The following FOXK2 variants were observed in gnomAD, a reference collection of about 807,000 sequenced individuals.
The protein encoded by FOXK2 is forkhead box K2, also known as forkhead box protein K2.
Under a neutral mutation model 53.3 loss-of-function variants are expected in FOXK2, and 24 were observed. The ratio of observed to expected loss-of-function variants is 0.45; its 90% CI spans 0.33 to 0.63. The LOEUF (loss-of-function observed/expected upper bound fraction) is 0.63, where lower values mean the gene tolerates loss of function less well. FOXK2 is among the 30% of genes least tolerant of loss of function. FOXK2 has a pLI of 0.03. For synonymous variants in FOXK2, 505 were observed against 407.1 expected, an observed-to-expected ratio of 1.24 and a Z score of -2.89; for missense variants, 952 against 910.5, an observed-to-expected ratio of 1.05 and a Z score of -0.59.
rs571138205 is a variant in FOXK2, at chr17:82,587,648, A to G, written c.1786+376A>G. 5 of 324,888 alleles carry G rather than the reference A, an allele frequency of 1.5e-5. No individual in the cohort carries two copies. The East Asian group carries it at 2.2e-4, about 15-fold the overall frequency. 20.1% of individuals were successfully genotyped at this position (324,888 alleles called of 1,614,324 possible). ...GCGGTGCTATGCTGCTGAGGGTGGGAGAGAGGCTGCTTTTCTGTGCGCTTT... is the reference window on the plus strand; with the variant it reads ...GCGGTGCTATGCTGCTGAGGGTGGGGGAGAGGCTGCTTTTCTGTGCGCTTT... On this transcript the variant is annotated intron_variant, in intron 8 of 8. Coordinates refer to ENST00000335255, the MANE Select transcript of FOXK2 (RefSeq NM_004514.4).
At chr17:82,576,887 C>T (rs544475010) in intron 4 of FOXK2, 13 of 471,042 alleles carry the variant, frequency 2.8e-5, no homozygotes, top group Non-Finnish European at 4.2e-5. Context: ...AGGCTGGGTG[C>T]GGTGGCTCAC....
intron 1 of FOXK2, among the ~76,000 whole-genome samples, chr17:82,539,851 A>C (rs142689411): frequency 0.18 from 27,085 of 151,590 alleles, 2,767 homozygotes; most frequent in Non-Finnish European, 0.24. Flanking sequence ...CTGTAATCCC[A>C]GCTACTCAAG....
chr17:82,543,796 A>G (rs564555167), intron 1 of FOXK2, among the ~76,000 whole-genome samples: 33 of 87,212 alleles, frequency 3.8e-4, no homozygotes, highest in Non-Finnish European at 6.3e-4. Flanking sequence ...TTTTTTTTTG[A>G]GACGGAGTCT....
intron 5 of FOXK2, 84 bp downstream of exon 5, chr17:82,583,018 TGAAG>T (rs924386722): frequency 2.3e-5 from 23 of 993,704 alleles, no homozygotes; most frequent in Non-Finnish European, 3.0e-5. Flanking sequence ...CTTTTGAAAA[TGAAG>T]GAACTACTAA....
chr17:82,587,040 C>T (rs374942897), intron 7 of FOXK2, 23 bp from the exon 8 acceptor site: 30 of 1,605,130 alleles, frequency 1.9e-5, no homozygotes, highest in African/African-American at 1.3e-4. Flanking sequence ...ATATTAATGT[C>T]GTTTCTTTTC....
chr17:82,553,231 C>T (rs564419213), intron 1 of FOXK2, among the ~76,000 whole-genome samples: 3 of 152,208 alleles, frequency 2.0e-5, no homozygotes, highest in Non-Finnish European at 2.9e-5. Context: ...CCACCGTGCC[C>T]AGCCAGACTT....
chr17:82,563,448 G>A lies in FOXK2; in HGVS notation c.514G>A (p.Val172Met). 2 of 1,614,174 alleles carry A rather than the reference G, an allele frequency of 1.2e-6. No homozygotes were observed. Among genetic ancestry groups the A allele is most frequent in the Admixed American group, 1.7e-5 (1 of 60,018 alleles). Reference sequence around the variant, plus strand: ...GAAGCAGGAGGCGTCTGAGTCTCCAGTGAAGGCCGTACAGCCACACATCTC... The same window carrying A: ...GAAGCAGGAGGCGTCTGAGTCTCCAATGAAGGCCGTACAGCCACACATCTC... The part of the protein sequence containing the change: ...REKQEASESP[V>M]KAVQPHISPL... The change falls in exon 2 of 9, where the codon GTG (valine) becomes ATG (methionine). Residue 172 changes from valine (V) to methionine (M), a missense_variant. Coordinates refer to ENST00000335255, the MANE Select transcript of FOXK2 (RefSeq NM_004514.4).
At chr17:82,523,502 C>G in intron 1 of FOXK2, among the ~76,000 whole-genome samples, 1 of 144,072 alleles carries the variant, frequency 6.9e-6, no homozygotes, top group East Asian at 2.0e-4. Context: ...CAGAGTTTTT[C>G]GCTCTTGTTG....
At chr17:82,576,786 G>A in intron 4 of FOXK2, 2 of 610,194 alleles carry the variant, frequency 3.3e-6, no homozygotes, top group East Asian at 2.9e-5. Flanking sequence ...TTATGGTGCT[G>A]TAATGTGGTG....
At chr17:82,561,262 G>A (rs757280198) in intron 1 of FOXK2, among the ~76,000 whole-genome samples, 2 of 152,114 alleles carry the variant, frequency 1.3e-5, no homozygotes, top group Non-Finnish European at 2.9e-5. Flanking sequence ...GGAGAGGAGC[G>A]TGGGCTGGGA....
At chr17:82,596,705 C>T (rs2045317138) in intron 8 of FOXK2, among the ~76,000 whole-genome samples, 2 of 152,202 alleles carry the variant, frequency 1.3e-5, no homozygotes, top group African/African-American at 4.8e-5. Context: ...ATTCCTACAC[C>T]AAGCCTGCTG....
chr17:82,586,055 C>T lies in FOXK2; in HGVS notation c.1431C>T (p.Ile477=). 1.2e-6 allele frequency: 2 copies of T among 1,612,840 alleles called. No homozygotes were observed. The highest frequency in any genetic ancestry group is 1.7e-6 in the Non-Finnish European group (2 of 1,179,994). The change falls in exon 7 of 9, where the codon ATC becomes ATT. Residue 477 remains isoleucine (I), a synonymous_variant. Transcript: ENST00000335255. The part of the protein sequence containing the change: ...VVQTVHVVHQ[I]PAVSVTSVAG... ...AGACGGTTCACGTCGTCCACCAGAT[C>T]CCAGCGGTGTCGGTCACCAGTGTGG... is the stretch of plus-strand genomic sequence containing the variant.
intron 4 of FOXK2, among the ~76,000 whole-genome samples, chr17:82,573,045 T>C (rs770318823): frequency 1.3e-5 from 2 of 151,946 alleles, no homozygotes; most frequent in Non-Finnish European, 2.9e-5. Flanking sequence ...AAAAAAAAAT[T>C]AGCTGAGTGT....
chr17:82,524,980 C>CTT (rs371491887), intron 1 of FOXK2, among the ~76,000 whole-genome samples: 22,530 of 138,118 alleles, frequency 0.16, 2,289 homozygotes, highest in East Asian at 0.38. Flanking sequence ...GACAAGGTGG[C>CTT]TTTTTTTTTT....
intron 4 of FOXK2, among the ~76,000 whole-genome samples, chr17:82,581,638 G>A (rs567118059): frequency 4.0e-4 from 61 of 152,134 alleles, no homozygotes; most frequent in Admixed American, 1.3e-3. Flanking sequence ...ACTACGCCCC[G>A]CTAATTTTTC....
At chr17:82,577,449 G>C in intron 4 of FOXK2, 1 of 366,604 alleles carries the variant, frequency 2.7e-6, no homozygotes, top group Non-Finnish European at 5.1e-6. Context: ...CATGCAGGGC[G>C]TGGCGGGCGG....
At chr17:82,591,637 G>A (rs919623526) in intron 8 of FOXK2, among the ~76,000 whole-genome samples, 2 of 152,202 alleles carry the variant, frequency 1.3e-5, no homozygotes, top group Admixed American at 1.3e-4. Context: ...TTCTGGAAAC[G>A]CTCCCAAGTC....
intron 4 of FOXK2, among the ~76,000 whole-genome samples, chr17:82,582,313 T>A (rs1180893711): frequency 6.6e-6 from 1 of 152,166 alleles, no homozygotes; most frequent in Non-Finnish European, 1.5e-5. Context: ...TCCCTCCTGT[T>A]GCCAGCTCTC....
intron 1 of FOXK2, among the ~76,000 whole-genome samples, chr17:82,521,833 A>G (rs955356943): frequency 6.6e-6 from 1 of 150,960 alleles, no homozygotes; most frequent in Non-Finnish European, 1.5e-5. Flanking sequence ...CCAGCTACTC[A>G]GGAGGCTGAG....
Sources: allele counts gnomAD v4.1 joint callset (sites outside exome capture counted in the v4.1 genomes callset), GRCh38; gene constraint gnomAD v4.1.1; transcripts MANE v1.5; gene names NCBI Gene and HGNC (gene_info 2026-07-23, HGNC 2026-07-21).